SGMS1: variants seen among roughly 807,000 people sequenced by gnomAD.
The protein encoded by SGMS1 is phosphatidylcholine:ceramide cholinephosphotransferase 1.
Under a neutral mutation model 46.2 loss-of-function variants are expected in SGMS1, and 13 were observed. The observed-to-expected ratio is 0.28, with a 90% CI of 0.18 to 0.45. SGMS1 has a LOEUF of 0.45. Among genes scored for constraint, SGMS1 ranks in the 20% least tolerant of loss-of-function variants. The probability of loss-of-function intolerance (pLI) is 1.00; values close to 1 mark genes in which losing one functional copy is unlikely to be tolerated. For synonymous variants in SGMS1, 203 were observed against 187.8 expected, an observed-to-expected ratio of 1.08 and a Z score of -0.66; for missense variants, 324 against 519.9, an observed-to-expected ratio of 0.62 and a Z score of 3.66.
intron 5 of SGMS1, among the ~76,000 whole-genome samples, chr10:50,451,847 A>G (rs1837113916): frequency 6.6e-6 from 1 of 152,222 alleles, no homozygotes; most frequent in South Asian, 2.1e-4. Context: ...ATAACATTAA[A>G]AATATCTTCT....
chr10:50,327,609 C>G (rs978199245), intron 7 of SGMS1, among the ~76,000 whole-genome samples: 2 of 152,176 alleles, frequency 1.3e-5, no homozygotes, highest in Admixed American at 6.5e-5. Flanking sequence ...GTTCAACTGT[C>G]GGACATACAA....
chr10:50,386,784 G>A (rs1848690053), intron 6 of SGMS1, among the ~76,000 whole-genome samples: 1 of 152,182 alleles, frequency 6.6e-6, no homozygotes, highest in African/African-American at 2.4e-5. Context: ...AGATGGAGGG[G>A]AGGAAACATC....
At chr10:50,343,279 T>A (rs1847849032) in intron 7 of SGMS1, 2 of 488,064 alleles carry the variant, frequency 4.1e-6, no homozygotes, top group Non-Finnish European at 7.1e-6. Flanking sequence ...TTCATCATCC[T>A]GTATGAATCT....
rs1204859026 is a variant in SGMS1 at position 50,399,238 on chromosome 10, A to T, written c.-232+34238T>A. Among the ~76,000 whole-genome samples, 3 of 152,300 alleles carry T rather than the reference A, an allele frequency of 2.0e-5. No individual in the cohort carries two copies. In the East Asian group the frequency reaches 5.8e-4, roughly 29 times the overall value. ...GGGACTGGGAGGTAACTAAGGAAGG[A>T]TGTGCTCAAATTCCAAGTTTTGAGA... On this transcript the variant is annotated intron_variant, in intron 6 of 10. Transcript: ENST00000361781.
chr10:50,426,415 G>A (rs901768628), intron 6 of SGMS1, among the ~76,000 whole-genome samples: 2 of 152,142 alleles, frequency 1.3e-5, no homozygotes, highest in African/African-American at 4.8e-5. Flanking sequence ...ATAGATACAA[G>A]TGAATACAGT....
intron 2 of SGMS1, among the ~76,000 whole-genome samples, chr10:50,556,123 C>T (rs1460773057): frequency 1.3e-5 from 2 of 152,172 alleles, no homozygotes; most frequent in Non-Finnish European, 2.9e-5. Flanking sequence ...CCCAGGGGGT[C>T]CATGACAACA....
At chr10:50,392,781 C>T (rs958154155) in intron 6 of SGMS1, among the ~76,000 whole-genome samples, 1 of 152,096 alleles carries the variant, frequency 6.6e-6, no homozygotes, top group African/African-American at 2.4e-5. Flanking sequence ...CCCTCTTTCC[C>T]CAGAACTAAG....
chr10:50,570,454 C>T (rs1319985690), intron 2 of SGMS1, among the ~76,000 whole-genome samples: 1 of 152,072 alleles, frequency 6.6e-6, no homozygotes, highest in African/African-American at 2.4e-5. Flanking sequence ...TAATCTGGAC[C>T]TTATGAGTAT....
intron 6 of SGMS1, among the ~76,000 whole-genome samples, chr10:50,354,573 A>T (rs935020183): frequency 1.3e-5 from 2 of 152,228 alleles, no homozygotes; most frequent in African/African-American, 2.4e-5. Context: ...ATGGTAACAA[A>T]AGCCAAAATT....
chr10:50,387,157 G>A (rs182333913), intron 6 of SGMS1, among the ~76,000 whole-genome samples: 48 of 152,314 alleles, frequency 3.2e-4, no homozygotes, highest in African/African-American at 1.1e-3. Context: ...TCTGGAATGT[G>A]TTTTCAGTTC....
At chr10:50,319,583 T>C (rs957918645) in intron 8 of SGMS1, among the ~76,000 whole-genome samples, 1 of 152,226 alleles carries the variant, frequency 6.6e-6, no homozygotes, top group African/African-American at 2.4e-5. Flanking sequence ...AGTTTGTCAG[T>C]CTTTTTTTCC....
At chr10:50,391,060 C>T (rs1260168637) in intron 6 of SGMS1, among the ~76,000 whole-genome samples, 5 of 152,150 alleles carry the variant, frequency 3.3e-5, no homozygotes, top group African/African-American at 9.7e-5. Flanking sequence ...GTAGTTTGCC[C>T]GAGCATCTCC....
rs1014517460 is a variant in SGMS1, at chr10:50,306,557, T to A, written c.*585A>T. On this transcript the variant is annotated 3_prime_UTR_variant, in exon 11 of 11. Transcript: ENST00000361781. ...AATCACTTTATAACAGAATCTTTTT[T>A]TTTGCACTTTTTGAAACACTGCCTT... The A allele has an allele frequency of 2.0e-5, 3 of 152,782 alleles. No homozygotes were observed. Among genetic ancestry groups the A allele is most frequent in the Non-Finnish European group, 4.4e-5 (3 of 68,030 alleles). The allele number at this position is 152,782 out of a possible 1,614,324, so 9.5% of individuals were successfully genotyped here. A position where few individuals can be genotyped will look rare whatever the true frequency, so the allele number is the denominator to read the frequency against.
chr10:50,587,188 G>A (rs182402238), intron 2 of SGMS1, among the ~76,000 whole-genome samples: 102 of 151,944 alleles, frequency 6.7e-4, no homozygotes, highest in African/African-American at 2.4e-3. Flanking sequence ...AACTGTAAGG[G>A]GCCACTTAAA....
At chr10:50,317,323 A>G (rs889603208) in intron 8 of SGMS1, among the ~76,000 whole-genome samples, 2 of 152,264 alleles carry the variant, frequency 1.3e-5, no homozygotes, top group Admixed American at 6.5e-5. Flanking sequence ...AAAATAAAAC[A>G]ATATCTTTTG....
intron 8 of SGMS1, 94 bp from the exon 9 acceptor site, chr10:50,311,509 A>G: frequency 8.4e-7 from 1 of 1,184,036 alleles, no homozygotes; most frequent in East Asian, 3.7e-5. Context: ...AATTAAGCTT[A>G]TATTAAGAAA....
chr10:50,341,893 G>A (rs1253923764), intron 7 of SGMS1, among the ~76,000 whole-genome samples: 1 of 152,184 alleles, frequency 6.6e-6, no homozygotes, highest in African/African-American at 2.4e-5. Flanking sequence ...TTATGGTTAA[G>A]AGGATACTTT....
upstream of SGMS1, among the ~76,000 whole-genome samples, chr10:50,624,284 A>G (rs1838892337): frequency 1.3e-5 from 2 of 152,156 alleles, no homozygotes; most frequent in African/African-American, 4.8e-5. Context: ...GAGCCGCTAG[A>G]GCTGGTCACA....
chr10:50,397,992 T>C (rs1008719088), intron 6 of SGMS1, among the ~76,000 whole-genome samples: 2 of 152,196 alleles, frequency 1.3e-5, no homozygotes, highest in African/African-American at 4.8e-5. Flanking sequence ...CTTCTACTTA[T>C]AGATACATTT....
Sources: allele counts gnomAD v4.1 joint callset (sites outside exome capture counted in the v4.1 genomes callset), GRCh38; gene constraint gnomAD v4.1.1; transcripts MANE v1.5; gene names NCBI Gene and HGNC (gene_info 2026-07-23, HGNC 2026-07-21).